The following SLC26A4 variants were observed in gnomAD, a reference collection of about 807,000 sequenced individuals.
SLC26A4 encodes solute carrier family 26 member 4, also known as pendrin.
A neutral mutation model predicts 90.4 loss-of-function variants in SLC26A4; 93 were observed. The observed-to-expected ratio is 1.03, with a 90% CI of 0.87 to 1.22. The LOEUF (loss-of-function observed/expected upper bound fraction) is 1.22, where lower values mean the gene tolerates loss of function less well. Ranked by LOEUF, SLC26A4 falls within the 50% of genes most tolerant of loss-of-function variation. The pLI is 0.00. For missense variants in SLC26A4, 1,127 were observed against 946.2 expected, an observed-to-expected ratio of 1.19 and a Z score of -2.51; for synonymous variants, 393 against 354.6, an observed-to-expected ratio of 1.11 and a Z score of -1.22.
chr7:107,679,891 T>A (rs1445204371), intron 6 of SLC26A4, among the ~76,000 whole-genome samples: 2 of 84,526 alleles, frequency 2.4e-5, no homozygotes, highest in African/African-American at 9.7e-5. Flanking sequence ...AATCTTATCT[T>A]ATATAATCTT....
chr7:107,680,275 A>G (rs1319686833), intron 6 of SLC26A4, among the ~76,000 whole-genome samples: 15 of 109,734 alleles, frequency 1.4e-4, no homozygotes, highest in African/African-American at 4.9e-4. Flanking sequence ...ATCTTATTAT[A>G]TAATATAATC....
intron 3 of SLC26A4, among the ~76,000 whole-genome samples, chr7:107,669,178 G>T (rs1258930923): frequency 6.6e-6 from 1 of 152,080 alleles, no homozygotes; most frequent in Non-Finnish European, 1.5e-5. Context: ...GGCTGGTCTT[G>T]AACTCCTGGC....
rs1389157542 is a variant in SLC26A4 at position 107,661,810 on chromosome 7, C to A, written c.164+5C>A. 3 of 1,534,812 alleles carry A rather than the reference C, an allele frequency of 2.0e-6. No individual in the cohort carries two copies. Among genetic ancestry groups the A allele is most frequent in the South Asian group, 1.2e-5 (1 of 83,880 alleles). On this transcript the variant is annotated splice_donor_5th_base_variant and intron_variant, in intron 2 of 20. Transcript: ENST00000644269. This position sits in a 1 kb window ranked among gnomAD's most constrained non-coding sequence, Gnocchi z 5.1. ...GAGCCTGGCCAAGTGCTGCAGGTAG[C>A]GGCCGCGCGGGCCTGCGTAGAGAGA...
At chr7:107,676,436 G>A (rs111275409) in intron 6 of SLC26A4, among the ~76,000 whole-genome samples, 2,122 of 152,230 alleles carry the variant, frequency 0.014, 38 homozygotes, top group African/African-American at 0.049. Context: ...AAATGAAAAG[G>A]AACATTAGAT....
At chr7:107,667,046 C>T (rs575857279) in intron 3 of SLC26A4, among the ~76,000 whole-genome samples, 2 of 152,162 alleles carry the variant, frequency 1.3e-5, no homozygotes, top group Admixed American at 6.5e-5. Context: ...CTTGAGCAAC[C>T]GGATAGATCA....
chr7:107,692,135 T>C, intron 10 of SLC26A4: 1 of 1,253,496 alleles, frequency 8.0e-7, no homozygotes, highest in Admixed American at 2.4e-5. Flanking sequence ...ATAATGGTGC[T>C]CTGGTAAGCT....
rs1231619435 is a variant in SLC26A4, at chr7:107,717,567, T to C, written c.*2121T>C. ...GTCAGCAAACTGCGGGAATACTGTC[T>C]CTTCTATGTATTTTGTGAATAGTAA... On this transcript the variant is annotated 3_prime_UTR_variant, in exon 21 of 21. Transcript: ENST00000644269. 1.3e-5 allele frequency: 2 copies of C among 152,622 alleles called. No individual in the cohort carries two copies. Among genetic ancestry groups the C allele is most frequent in the Non-Finnish European group, 2.9e-5 (2 of 68,030 alleles). The allele number at this position is 152,622 out of a possible 1,614,324, so 9.5% of individuals were successfully genotyped here.
chr7:107,662,917 T>G (rs889964182), intron 2 of SLC26A4, among the ~76,000 whole-genome samples: 1 of 152,226 alleles, frequency 6.6e-6, no homozygotes, highest in African/African-American at 2.4e-5. Context: ...GTTTATCTTC[T>G]TTAAAGAAAA....
rs146572427 is a variant in SLC26A4, at chr7:107,704,720, A to T, written c.2089+335A>T. On this transcript the variant is annotated intron_variant, in intron 18 of 20. Transcript: ENST00000644269. ...ATAGGAAAATAATGGATTAGTTAAC[A>T]TGAGGTCATGTCAGGATACTTTTTT... Among the ~76,000 whole-genome samples the T allele has an allele frequency of 3.1e-3, 468 of 152,354 alleles. 7 individuals carry two copies. Among genetic ancestry groups the T allele is most frequent in the African/African-American group, 0.01 (436 of 41,592 alleles).
At chr7:107,713,719 C>G (rs1292607060) in intron 20 of SLC26A4, among the ~76,000 whole-genome samples, 1 of 152,108 alleles carries the variant, frequency 6.6e-6, no homozygotes. Context: ...ATAGCAACAT[C>G]AGAATTTTAG....
intron 18 of SLC26A4, among the ~76,000 whole-genome samples, chr7:107,709,309 G>T (rs563076111): frequency 6.6e-6 from 1 of 152,326 alleles, no homozygotes; most frequent in South Asian, 2.1e-4. Context: ...GTCTTGCTCT[G>T]TCACCCAGGC....
At chr7:107,694,264 C>T (rs1791668553) in intron 10 of SLC26A4, 139 bp from the exon 11 acceptor site, 9 of 725,412 alleles carry the variant, frequency 1.2e-5, no homozygotes, top group Non-Finnish European at 2.2e-5. Flanking sequence ...TCACTTTTCT[C>T]GACAGTATTG....
At chr7:107,684,082 T>C (rs1050393521) in intron 8 of SLC26A4, among the ~76,000 whole-genome samples, 2 of 152,206 alleles carry the variant, frequency 1.3e-5, no homozygotes, top group African/African-American at 4.8e-5. Flanking sequence ...TCCAGTTTTG[T>C]GACCTGAGGA....
chr7:107,715,453 G>A lies in SLC26A4; in HGVS notation c.*7G>A. On this transcript the variant is annotated 3_prime_UTR_variant, in exon 21 of 21. Coordinates refer to ENST00000644269, the MANE Select transcript of SLC26A4 (RefSeq NM_000441.2). ...GCGTACACTTGCATCCTGAAAGTGGGTTCGGGAGGTCTCTATGAGCAAGGA... is the reference window on the plus strand; with the variant it reads ...GCGTACACTTGCATCCTGAAAGTGGATTCGGGAGGTCTCTATGAGCAAGGA... The A allele has an allele frequency of 1.2e-6, 2 of 1,611,400 alleles. No individual in the cohort carries two copies. Among genetic ancestry groups the A allele is most frequent in the Non-Finnish European group, 1.7e-6 (2 of 1,177,520 alleles).
chr7:107,666,379 G>T (rs113250225), intron 3 of SLC26A4, among the ~76,000 whole-genome samples: 9,022 of 152,056 alleles, frequency 0.059, 882 homozygotes, highest in African/African-American at 0.2. Context: ...GTGCCACCAT[G>T]CTTGGCTAAT....
intron 17 of SLC26A4, among the ~76,000 whole-genome samples, chr7:107,703,647 G>A (rs568692358): frequency 2.0e-5 from 3 of 152,208 alleles, no homozygotes; most frequent in East Asian, 1.9e-4. Context: ...CCCACACAAC[G>A]AATATTTACT....
At chr7:107,708,579 C>A (rs1466651168) in intron 18 of SLC26A4, among the ~76,000 whole-genome samples, 2 of 152,100 alleles carry the variant, frequency 1.3e-5, no homozygotes, top group Non-Finnish European at 2.9e-5. Flanking sequence ...ATAGGCCGGT[C>A]ATGGCGGCTC....
chr7:107,697,988 A>C, intron 13 of SLC26A4, 54 bp from the exon 14 acceptor site: 1 of 1,154,974 alleles, frequency 8.7e-7, no homozygotes, highest in Non-Finnish European at 1.3e-6. Flanking sequence ...TTAACTTTTT[A>C]TTCCAAAATA....
Position 107,675,110 on chromosome 7 carries a change from G to A in SLC26A4, c.765+1G>A. ...CAATGGAGTTCTCTCTATTATCTAT[G>A]TAAGTGTTGCTTCTTGCTCCAGGGA... On this transcript the variant is annotated splice_donor_variant, in intron 6 of 20. Coordinates refer to ENST00000644269, the MANE Select transcript of SLC26A4 (RefSeq NM_000441.2). LOFTEE classifies it high-confidence loss of function. 1 of 1,613,282 alleles carries A rather than the reference G, an allele frequency of 6.2e-7. No homozygotes were observed. Among genetic ancestry groups the A allele is most frequent in the Non-Finnish European group, 8.5e-7 (1 of 1,179,528 alleles).
Sources: allele counts gnomAD v4.1 joint callset (sites outside exome capture counted in the v4.1 genomes callset), GRCh38; gene constraint gnomAD v4.1.1; non-coding constraint Gnocchi (gnomAD v3.1); transcripts MANE v1.5; gene names NCBI Gene and HGNC (gene_info 2026-07-23, HGNC 2026-07-21).